DHX15: variants seen among roughly 807,000 people sequenced by gnomAD.
DHX15 encodes ATP-dependent RNA helicase DHX15.
Under a neutral mutation model 94.4 loss-of-function variants are expected in DHX15, and 11 were observed. That is an observed-to-expected ratio of 0.12 (90% CI 0.07 to 0.19). DHX15 has a LOEUF of 0.19. DHX15 is among the 10% of genes least tolerant of loss of function. The probability of loss-of-function intolerance (pLI) is 1.00; values close to 1 mark genes in which losing one functional copy is unlikely to be tolerated. For missense variants in DHX15, 304 were observed against 988.5 expected (o/e 0.31, Z 9.29); for synonymous variants, 338 against 329.9 (o/e 1.02, Z -0.27).
chr4:24,542,338 G>A (rs1472927202), intron 7 of DHX15, among the ~76,000 whole-genome samples: 5 of 152,228 alleles, frequency 3.3e-5, no homozygotes, highest in East Asian at 1.9e-4. Context: ...GGCAGTCAAG[G>A]ATTCTGCCCG....
At chr4:24,562,089 T>G (rs1377756346) in intron 3 of DHX15, among the ~76,000 whole-genome samples, 1 of 138,484 alleles carries the variant, frequency 7.2e-6, no homozygotes, top group African/African-American at 2.7e-5. Context: ...CGAGCTGAGA[T>G]TGGGTCACTG....
At chr4:24,569,614 A>AG (rs1553951963) in intron 3 of DHX15, among the ~76,000 whole-genome samples, 1 of 150,640 alleles carries the variant, frequency 6.6e-6, no homozygotes, top group Non-Finnish European at 1.5e-5. Context: ...AAAAAAAAAA[A>AG]AGAGAGACTC....
At chr4:24,547,864 TCTCTCTC>T (rs1721458800) in intron 6 of DHX15, among the ~76,000 whole-genome samples, 1 of 390 alleles carries the variant, frequency 2.6e-3, no homozygotes, top group Non-Finnish European at 0.012. Context: ...CATATATGTC[TCTCTCTC>T]TCTCTCTCTC....
At chr4:24,584,127 G>A in intron 1 of DHX15, 196 bp downstream of exon 1, 1 of 592,148 alleles carries the variant, frequency 1.7e-6, no homozygotes, top group Non-Finnish European at 2.9e-6. Flanking sequence ...CAGCGGCCCC[G>A]TCGCACGCAA....
At chr4:24,530,252 G>A (rs778174219) in intron 12 of DHX15, 8 of 167,946 alleles carry the variant, frequency 4.8e-5, no homozygotes, top group Non-Finnish European at 1.0e-4. Context: ...TTCAGCACTG[G>A]GCGCCAACTA....
At chr4:24,535,847 GT>G (rs1230144276) in intron 11 of DHX15, among the ~76,000 whole-genome samples, 1 of 152,224 alleles carries the variant, frequency 6.6e-6, no homozygotes, top group African/African-American at 2.4e-5. Context: ...TAACTGAGAT[GT>G]TTATGAGATA....
intron 5 of DHX15, among the ~76,000 whole-genome samples, chr4:24,554,219 A>G (rs571185404): frequency 5.1e-4 from 77 of 150,440 alleles, no homozygotes; most frequent in African/African-American, 1.8e-3. Flanking sequence ...CTCCGTCTCG[A>G]AAAAAAAAAG....
intron 2 of DHX15, among the ~76,000 whole-genome samples, chr4:24,574,193 G>A (rs1283991224): frequency 3.4e-5 from 2 of 58,840 alleles, no homozygotes; most frequent in African/African-American, 7.1e-5. Context: ...GTGACAGAGC[G>A]AGACTTTGTC....
chr4:24,571,681 T>C (rs1459775628), intron 2 of DHX15, among the ~76,000 whole-genome samples: 1 of 152,166 alleles, frequency 6.6e-6, no homozygotes, highest in African/African-American at 2.4e-5. Context: ...CATCAAAGCT[T>C]CCAAACGCCT....
intron 12 of DHX15, 114 bp downstream of exon 12, chr4:24,532,750 A>G: frequency 1.3e-6 from 1 of 750,510 alleles, no homozygotes; most frequent in South Asian, 2.6e-5. Context: ...TTTAAGATAA[A>G]TTTTTATGAG....
intron 3 of DHX15, among the ~76,000 whole-genome samples, chr4:24,561,727 G>A (rs1185057939): frequency 1.3e-5 from 2 of 152,098 alleles, no homozygotes; most frequent in Non-Finnish European, 2.9e-5. Flanking sequence ...TCTCAGTTGG[G>A]AGCTCAACTT....
At chr4:24,572,789 C>A (rs1722152829) in intron 2 of DHX15, among the ~76,000 whole-genome samples, 1 of 152,114 alleles carries the variant, frequency 6.6e-6, no homozygotes, top group South Asian at 2.1e-4. Context: ...AACTCCCAGG[C>A]AATAGCTGGA....
chr4:24,576,219 G>A lies in DHX15; in HGVS notation c.507+24C>T, dbSNP rs754017473. 6.4e-6 allele frequency: 10 copies of A among 1,570,122 alleles called. No homozygotes were observed. In the East Asian group the frequency reaches 2.0e-4, roughly 32 times the overall value. The stretch of plus-strand genomic sequence containing the variant: ...GTAAACTTAAACATAAATGAAATAT[G>A]TACCATGGTATACAATAACTCACCT... On this transcript the variant is annotated intron_variant, in intron 2 of 13. Transcript: ENST00000336812.
rs777829197 is a variant in DHX15 at position 24,533,047 on chromosome 4, T to C, written c.1917A>G (p.Glu639=). The C allele has an allele frequency of 3.7e-6, 6 of 1,613,786 alleles. No homozygotes were observed. The East Asian group carries it at 1.3e-4, about 36-fold the overall frequency. ...NVYHAFKQNH[E]SVQWCYDNFI... The stretch of plus-strand genomic sequence containing the variant: ...AGTTGTCATAACACCACTGAACCGA[T>C]TCATGATCTAAAAAGGTAGAAGGCG... Residue 639 remains glutamate, a synonymous_variant, in exon 12 of 14, where the codon GAA becomes GAG. Coordinates refer to ENST00000336812, the MANE Select transcript of DHX15 (RefSeq NM_001358.3).
At chr4:24,583,132 C>G (rs1403560033) in intron 1 of DHX15, among the ~76,000 whole-genome samples, 1 of 152,174 alleles carries the variant, frequency 6.6e-6, no homozygotes, top group African/African-American at 2.4e-5. Context: ...TTCTGTATCA[C>G]AAGTACACAA....
At chr4:24,558,522 T>G (rs1411224454) in intron 3 of DHX15, among the ~76,000 whole-genome samples, 1 of 152,118 alleles carries the variant, frequency 6.6e-6, no homozygotes, top group Non-Finnish European at 1.5e-5. Context: ...TATTATAAAT[T>G]AGATTAATGG....
intron 10 of DHX15, chr4:24,538,915 C>T (rs982776018): frequency 2.6e-5 from 4 of 152,036 alleles, no homozygotes; most frequent in Non-Finnish European, 5.9e-5. Flanking sequence ...GTACACAATC[C>T]ATTAGTTCTT....
intron 13 of DHX15, among the ~76,000 whole-genome samples, chr4:24,528,572 A>C (rs1001752875): frequency 5.3e-5 from 8 of 152,220 alleles, no homozygotes; most frequent in African/African-American, 1.9e-4. Context: ...TTTAAGTGTC[A>C]AAAGTCCCAA....
chr4:24,561,606 A>G (rs890907276), intron 3 of DHX15, among the ~76,000 whole-genome samples: 1 of 152,226 alleles, frequency 6.6e-6, no homozygotes, highest in Non-Finnish European at 1.5e-5. Flanking sequence ...ACACAATGGA[A>G]TACTATGCAG....
Sources: allele counts gnomAD v4.1 joint callset (sites outside exome capture counted in the v4.1 genomes callset), GRCh38; gene constraint gnomAD v4.1.1; transcripts MANE v1.5; gene names NCBI Gene and HGNC (gene_info 2026-07-23, HGNC 2026-07-21).